Variants in COL15A1 observed in about 807,000 individuals in gnomAD.
The protein encoded by COL15A1 is collagen type XV alpha 1 chain, also known as collagen alpha-1(XV) chain.
In COL15A1, 111 loss-of-function variants were observed where a neutral mutation model predicts 165.9. The observed-to-expected ratio is 0.67, with a 90% CI of 0.57 to 0.78. The LOEUF (loss-of-function observed/expected upper bound fraction) is 0.78. COL15A1 is among the 30% of genes least tolerant of loss of function. The pLI is 0.00. For missense variants in COL15A1, 1,745 were observed against 1,789.7 expected (o/e 0.98, Z 0.45); for synonymous variants, 659 against 674.8 (o/e 0.98, Z 0.36).
chr9:98,984,975 A>G (rs1838284692), intron 2 of COL15A1, among the ~76,000 whole-genome samples: 1 of 152,172 alleles, frequency 6.6e-6, no homozygotes, highest in African/African-American at 2.4e-5. Context: ...TATTTTTAGT[A>G]GAGACGAGGT....
At chr9:99,054,319 G>A (rs1477214815) in intron 31 of COL15A1, among the ~76,000 whole-genome samples, 6 of 152,212 alleles carry the variant, frequency 3.9e-5, no homozygotes, top group Admixed American at 1.3e-4. Flanking sequence ...CTCAGTGAGA[G>A]CACATATTTC....
chr9:99,040,761 C>T (rs1839388207), intron 23 of COL15A1: 1 of 836,166 alleles, frequency 1.2e-6, no homozygotes, highest in Admixed American at 2.7e-5. Context: ...TCAAGAAATC[C>T]ATCTGCGTCA....
At chr9:99,051,059 A>G (rs1261755829) in intron 30 of COL15A1, among the ~76,000 whole-genome samples, 1 of 152,198 alleles carries the variant, frequency 6.6e-6, no homozygotes, top group African/African-American at 2.4e-5. Context: ...TCAGTGCTGG[A>G]GTGACCTTCC....
chr9:98,989,219 A>G lies in COL15A1; in HGVS notation c.765A>G (p.Val255=). ...ETSGLQEADG[V]AEILEAVTYT... is the part of the protein sequence containing the mutation. ...GTGGGCTGCAGGAGGCAGACGGAGT[A>G]GCTGAGATCTTAGAAGCCGTCACCT... Residue 255 remains valine (V), a synonymous_variant, in exon 5 of 42, where the codon GTA becomes GTG. Coordinates refer to ENST00000375001, the MANE Select transcript of COL15A1 (RefSeq NM_001855.5). 6 of 1,614,166 alleles carry G rather than the reference A, an allele frequency of 3.7e-6. No individual in the cohort carries two copies. The highest frequency in any genetic ancestry group is 5.1e-6 in the Non-Finnish European group (6 of 1,180,012).
chr9:99,060,184 C>A (rs1825786810), intron 36 of COL15A1, among the ~76,000 whole-genome samples: 2 of 150,110 alleles, frequency 1.3e-5, no homozygotes, highest in African/African-American at 2.4e-5. Context: ...CCATTCGAAT[C>A]CTTAATTGAC....
At position 98,968,044 on chromosome 9, in the gene COL15A1, C is replaced by A. The variant is rs552124425; in HGVS notation, c.101-17521C>A. ...ACCACTGGCGTCATGGATAAGCAGA[C>A]GGGCTATGGAGTTTGAACCCAGGTT... On this transcript the variant is annotated intron_variant, in intron 2 of 41. Transcript: ENST00000375001. Among the ~76,000 whole-genome samples the A allele has an allele frequency of 2.6e-5, 4 of 152,314 alleles. No homozygotes were observed. The East Asian group carries it at 7.7e-4, about 29-fold the overall frequency.
chr9:98,989,688 T>C (rs569262834), intron 5 of COL15A1, among the ~76,000 whole-genome samples: 1 of 152,314 alleles, frequency 6.6e-6, no homozygotes, highest in East Asian at 1.9e-4. Flanking sequence ...GCATCTGGCA[T>C]GAGGGAAATG....
intron 11 of COL15A1, 33 bp downstream of exon 11, chr9:99,016,152 G>T (rs1418578096): frequency 1.3e-6 from 2 of 1,571,378 alleles, no homozygotes; most frequent in Non-Finnish European, 1.7e-6. Context: ...ATTTGACTTG[G>T]CAGACCTTAC....
At chr9:99,036,521 G>C in intron 21 of COL15A1, 125 bp downstream of exon 21, 1 of 911,886 alleles carries the variant, frequency 1.1e-6, no homozygotes, top group Non-Finnish European at 1.7e-6. Context: ...CCTGGTGTTA[G>C]AACTTCCACC....
chr9:98,946,745 CTCAG>C (rs1416061917), intron 2 of COL15A1, among the ~76,000 whole-genome samples: 2 of 152,220 alleles, frequency 1.3e-5, no homozygotes, highest in African/African-American at 4.8e-5. Flanking sequence ...CATGAATGAG[CTCAG>C]TCAATCATCA....
intron 34 of COL15A1, 135 bp downstream of exon 34, chr9:99,055,507 TC>T: frequency 1.6e-6 from 1 of 625,016 alleles, no homozygotes; most frequent in Non-Finnish European, 2.8e-6. Context: ...GCCAGCTCTT[TC>T]CCCATCCTTG....
chr9:98,981,286 C>T (rs1439769340), intron 2 of COL15A1, among the ~76,000 whole-genome samples: 4 of 152,072 alleles, frequency 2.6e-5, no homozygotes, highest in African/African-American at 4.8e-5. Context: ...GGCGAAACCC[C>T]GTCTCTACTA....
intron 4 of COL15A1, among the ~76,000 whole-genome samples, chr9:98,987,974 C>A (rs1340200601): frequency 1.5e-5 from 1 of 65,758 alleles, no homozygotes; most frequent in Non-Finnish European, 2.5e-5. Context: ...CCAAACTCAA[C>A]GTTGTCAGGT....
chr9:98,971,809 G>A (rs1339317992), intron 2 of COL15A1, among the ~76,000 whole-genome samples: 1 of 152,214 alleles, frequency 6.6e-6, no homozygotes, highest in Non-Finnish European at 1.5e-5. Flanking sequence ...GGATAGGGGA[G>A]TCACCCCATG....
chr9:99,007,870 G>A (rs1352202656), intron 9 of COL15A1, among the ~76,000 whole-genome samples: 2 of 152,178 alleles, frequency 1.3e-5, no homozygotes, highest in Non-Finnish European at 2.9e-5. Context: ...CTTGTAGCCA[G>A]TACAAATTTT....
At chr9:98,967,579 C>G (rs996277472) in intron 2 of COL15A1, among the ~76,000 whole-genome samples, 52 of 152,372 alleles carry the variant, frequency 3.4e-4, no homozygotes, top group African/African-American at 1.2e-3. Context: ...GACTTAGCAT[C>G]CCAACAGCCT....
chr9:99,035,202 C>T (rs761131477), intron 18 of COL15A1, 48 bp downstream of exon 18: 50 of 1,577,642 alleles, frequency 3.2e-5, no homozygotes, highest in Non-Finnish European at 3.6e-5. Context: ...GTACTAAGGG[C>T]TACTAGAAAG....
At chr9:98,964,427 A>G (rs760291561) in intron 2 of COL15A1, among the ~76,000 whole-genome samples, 1 of 152,234 alleles carries the variant, frequency 6.6e-6, no homozygotes, top group Non-Finnish European at 1.5e-5. Flanking sequence ...CTTAAACTCA[A>G]ATCCCATTTT....
At chr9:98,981,759 T>C (rs1564026035) in intron 2 of COL15A1, among the ~76,000 whole-genome samples, 1 of 152,162 alleles carries the variant, frequency 6.6e-6, no homozygotes, top group Non-Finnish European at 1.5e-5. Context: ...GAATTGATAC[T>C]GTCTTTCTTA....
Sources: gnomAD v4.1 joint callset for allele counts (sites outside exome capture counted in the v4.1 genomes callset) on GRCh38, gnomAD v4.1.1 for gene constraint, MANE v1.5 for transcripts, NCBI Gene and HGNC (gene_info 2026-07-23, HGNC 2026-07-21) for gene names.